ARHGAP24: variants seen among roughly 807,000 people sequenced by gnomAD.
The protein encoded by ARHGAP24 is Rho GTPase activating protein 24.
Under a neutral mutation model 76.4 loss-of-function variants are expected in ARHGAP24, and 50 were observed. The ratio of observed to expected loss-of-function variants is 0.65; its 90% CI spans 0.52 to 0.83. The LOEUF is 0.83. Among genes scored for constraint, ARHGAP24 ranks in the 40% least tolerant of loss-of-function variants. The pLI is 0.00. For synonymous variants in ARHGAP24, 345 were observed against 323.3 expected (o/e 1.07, Z -0.72); for missense variants, 930 against 914.2 (o/e 1.02, Z -0.22).
chr4:85,870,159 A>G (rs962855677), intron 3 of ARHGAP24, among the ~76,000 whole-genome samples: 1 of 152,200 alleles, frequency 6.6e-6, no homozygotes, highest in African/African-American at 2.4e-5. Flanking sequence ...TTATGTCAGT[A>G]TATCAGGAGA....
intron 2 of ARHGAP24, among the ~76,000 whole-genome samples, chr4:85,713,962 A>G (rs1724629429): frequency 6.6e-6 from 1 of 152,182 alleles, no homozygotes; most frequent in Admixed American, 6.5e-5. Flanking sequence ...GCTAATTTCT[A>G]GGTCTCTTAC....
intron 6 of ARHGAP24, among the ~76,000 whole-genome samples, chr4:85,973,841 T>G (rs1304188737): frequency 6.6e-5 from 8 of 121,654 alleles, no homozygotes. Flanking sequence ...TTGTTTTTTT[T>G]TTTTTTTTTT....
chr4:85,537,285 C>T (rs1287531144), intron 1 of ARHGAP24, among the ~76,000 whole-genome samples: 1 of 152,132 alleles, frequency 6.6e-6, no homozygotes, highest in African/African-American at 2.4e-5. Context: ...ACCTAAGACT[C>T]AATTAGAGAA....
intron 3 of ARHGAP24, among the ~76,000 whole-genome samples, chr4:85,858,422 G>A (rs540167502): frequency 2.0e-5 from 3 of 152,100 alleles, no homozygotes; most frequent in East Asian, 1.9e-4. Flanking sequence ...TTCAATAATG[G>A]GATACTAGTA....
chr4:85,914,158 A>T (rs1354777596), intron 3 of ARHGAP24, among the ~76,000 whole-genome samples: 2 of 152,218 alleles, frequency 1.3e-5, no homozygotes, highest in Non-Finnish European at 2.9e-5. Flanking sequence ...TAGATAAGTT[A>T]TATGATCCAT....
intron 1 of ARHGAP24, among the ~76,000 whole-genome samples, chr4:85,507,866 G>A (rs1446848786): frequency 1.3e-5 from 2 of 152,032 alleles, no homozygotes; most frequent in African/African-American, 4.8e-5. Context: ...AAATGAATGG[G>A]AGTTTCCTAT....
chr4:85,988,832 A>G (rs538574696), intron 8 of ARHGAP24, among the ~76,000 whole-genome samples: 1 of 151,840 alleles, frequency 6.6e-6, no homozygotes, highest in East Asian at 1.9e-4. Flanking sequence ...ATAAAGATAC[A>G]GGTATGTTTA....
intron 1 of ARHGAP24, among the ~76,000 whole-genome samples, chr4:85,521,425 A>G (rs1007076631): frequency 1.3e-5 from 2 of 152,290 alleles, no homozygotes; most frequent in Non-Finnish European, 2.9e-5. Flanking sequence ...TATATATTAC[A>G]TCATACCTTC....
chr4:85,764,520 A>G (rs959472436), intron 3 of ARHGAP24, among the ~76,000 whole-genome samples: 3 of 152,132 alleles, frequency 2.0e-5, no homozygotes, highest in African/African-American at 7.2e-5. Flanking sequence ...CAGCTCTTTT[A>G]ACCACTGAGC....
intron 3 of ARHGAP24, among the ~76,000 whole-genome samples, chr4:85,846,358 G>A (rs575301757): frequency 6.6e-6 from 1 of 152,202 alleles, no homozygotes; most frequent in South Asian, 2.1e-4. Context: ...TAAGGGACTT[G>A]GAAACAGTGG....
chr4:85,886,855 G>A (rs1256774493), intron 3 of ARHGAP24, among the ~76,000 whole-genome samples: 1 of 152,110 alleles, frequency 6.6e-6, no homozygotes, highest in Non-Finnish European at 1.5e-5. Context: ...AAACAAGGAT[G>A]ACTCACATGG....
chr4:85,649,954 A>T (rs951321822), intron 2 of ARHGAP24, among the ~76,000 whole-genome samples: 1 of 152,144 alleles, frequency 6.6e-6, no homozygotes, highest in African/African-American at 2.4e-5. Context: ...ATATCAAGGT[A>T]GTCATAAGGT....
chr4:85,851,281 T>C (rs1560671481), intron 3 of ARHGAP24, among the ~76,000 whole-genome samples: 1 of 152,236 alleles, frequency 6.6e-6, no homozygotes, highest in African/African-American at 2.4e-5. Context: ...TCCCTGCTTT[T>C]TTTGCTTTTC....
At chr4:85,997,625 T>C (rs913638143) in intron 9 of ARHGAP24, among the ~76,000 whole-genome samples, 1 of 73,136 alleles carries the variant, frequency 1.4e-5, no homozygotes, top group Admixed American at 1.3e-4. Flanking sequence ...CCTCTCCAAA[T>C]TGGTTTCTAA....
In ARHGAP24 at chr4:85,783,470, C is replaced by CT. The variant is rs879362490; in HGVS notation, c.268+61510dup. ...CTTGGAAATTAGTGAGTCCTGATCA[C>CT]TTTTTTTTTTTTAAGAGTAGGAGAA... On this transcript the variant is annotated intron_variant, in intron 3 of 9. Transcript: ENST00000395184. Among the ~76,000 whole-genome samples, 724 of 145,270 alleles carry CT rather than the reference C, an allele frequency of 5.0e-3. 11 individuals are homozygous for CT. The highest frequency in any genetic ancestry group is 0.016 in the African/African-American group (632 of 39,752).
At chr4:85,755,233 C>T (rs1337888121) in intron 3 of ARHGAP24, among the ~76,000 whole-genome samples, 2 of 152,082 alleles carry the variant, frequency 1.3e-5, no homozygotes, top group Non-Finnish European at 2.9e-5. Context: ...TTTACCATCC[C>T]AGTGTACTTA....
At chr4:85,628,655 A>G (rs958744060) in intron 2 of ARHGAP24, among the ~76,000 whole-genome samples, 1 of 152,000 alleles carries the variant, frequency 6.6e-6, no homozygotes, top group African/African-American at 2.4e-5. Flanking sequence ...TTCTCTTACC[A>G]TTTGCTTTAT....
intron 2 of ARHGAP24, among the ~76,000 whole-genome samples, chr4:85,708,701 T>C (rs1724409165): frequency 6.6e-6 from 1 of 152,184 alleles, no homozygotes; most frequent in South Asian, 2.1e-4. Flanking sequence ...TCTGTTGGCA[T>C]CCGCTTCCTG....
At chr4:85,722,075 C>A in intron 3 of ARHGAP24, 103 bp downstream of exon 3, 1 of 1,085,962 alleles carries the variant, frequency 9.2e-7, no homozygotes, top group Non-Finnish European at 1.4e-6. Flanking sequence ...TGACTGAGAA[C>A]CTTAATTTGA....
Sources: allele counts gnomAD v4.1 joint callset (sites outside exome capture counted in the v4.1 genomes callset), GRCh38; gene constraint gnomAD v4.1.1; transcripts MANE v1.5; gene names NCBI Gene and HGNC (gene_info 2026-07-23, HGNC 2026-07-21).